The following NF2 variants were observed in gnomAD, a reference collection of about 807,000 sequenced individuals.
The protein encoded by NF2 is NF2, moesin-ezrin-radixin like (MERLIN) tumor suppressor.
A neutral mutation model predicts 83.7 loss-of-function variants in NF2; 8 were observed. The ratio of observed to expected loss-of-function variants is 0.10; its 90% confidence interval spans 0.06 to 0.17. The LOEUF is 0.17. Ranked by LOEUF, NF2 falls within the 10% of genes least tolerant of loss-of-function variation. The pLI, the probability that NF2 is intolerant of heterozygous loss-of-function variation, is 1.00. For missense variants in NF2, 533 were observed against 744.4 expected, an observed-to-expected ratio of 0.72 and a Z score of 3.31; for synonymous variants, 266 against 269.6, an observed-to-expected ratio of 0.99 and a Z score of 0.13.
At chr22:29,689,196 A>G (rs1423796519) in intron 15 of NF2, among the ~76,000 whole-genome samples, 1 of 151,628 alleles carries the variant, frequency 6.6e-6, no homozygotes, top group African/African-American at 2.4e-5. Flanking sequence ...AAAAAAAAAA[A>G]AAAAGAGAAA....
At chr22:29,628,256 G>A (rs1368839660) in intron 1 of NF2, among the ~76,000 whole-genome samples, 1 of 151,230 alleles carries the variant, frequency 6.6e-6, no homozygotes, top group East Asian at 2.0e-4. Context: ...GGAAAGACAA[G>A]TACCTCATTT....
intron 15 of NF2, among the ~76,000 whole-genome samples, chr22:29,692,678 CTTG>C (rs1420131086): frequency 6.6e-6 from 1 of 152,206 alleles, no homozygotes; most frequent in Non-Finnish European, 1.5e-5. Context: ...CATACGTGAC[CTTG>C]TTGTTGCCTG....
chr22:29,693,164 C>T (rs2067452436), intron 15 of NF2, among the ~76,000 whole-genome samples: 1 of 152,238 alleles, frequency 6.6e-6, no homozygotes, highest in Non-Finnish European at 1.5e-5. Context: ...TGGTTCCCAT[C>T]ATCACAGGGC....
At chr22:29,646,560 G>A (rs902568169) in intron 4 of NF2, among the ~76,000 whole-genome samples, 2 of 152,276 alleles carry the variant, frequency 1.3e-5, no homozygotes, top group South Asian at 2.1e-4. Context: ...AAGGGAAAGC[G>A]AATTGAGCTC....
At chr22:29,679,289 C>T (rs902905338) in intron 14 of NF2, among the ~76,000 whole-genome samples, 2 of 152,128 alleles carry the variant, frequency 1.3e-5, no homozygotes, top group African/African-American at 2.4e-5. Context: ...AAAGTGTCTC[C>T]ATGGAGTCCA....
chr22:29,614,172 G>A (rs1569266566), intron 1 of NF2, among the ~76,000 whole-genome samples: 1 of 151,622 alleles, frequency 6.6e-6, no homozygotes, highest in Non-Finnish European at 1.5e-5. Context: ...GGCTGGGCAC[G>A]GTGGCTCACA....
rs2066807000 is a variant in NF2 at position 29,671,953 on chromosome 22, T to TCACCGAGGAGGAGGCAAAAC, written c.1122+5_1122+6insCACCGAGGAGGAGGCAAAAC. The TCACCGAGGAGGAGGCAAAAC allele has an allele frequency of 6.2e-7, 1 of 1,614,028 alleles. No individual in the cohort carries two copies. The highest frequency in any genetic ancestry group is 1.3e-5 in the African/African-American group (1 of 74,920). On this transcript the variant is annotated splice_donor_region_variant and intron_variant, in intron 11 of 15. Coordinates refer to ENST00000338641, the MANE Select transcript of NF2 (RefSeq NM_000268.4). ...ACAATGGCCAACGAAGCACTGGTGA[T>TCACCGAGGAGGAGGCAAAAC]TTCTGAGGGGCTGGGGTTCCAGGAG... is the stretch of plus-strand genomic sequence containing the variant.
intron 1 of NF2, among the ~76,000 whole-genome samples, chr22:29,630,105 CA>C (rs1198673831): frequency 6.6e-6 from 1 of 152,066 alleles, no homozygotes; most frequent in Non-Finnish European, 1.5e-5. Context: ...GCTGTCAAAG[CA>C]AAAAACAAAT....
intron 10 of NF2, 90 bp from the exon 11 acceptor site, chr22:29,671,736 G>A (rs2147069241): frequency 6.3e-7 from 1 of 1,585,890 alleles, no homozygotes. Context: ...CCCAAAAGGG[G>A]AGACTGGAGA....
intron 1 of NF2, among the ~76,000 whole-genome samples, chr22:29,628,318 T>C (rs1054269594): frequency 3.3e-5 from 5 of 152,094 alleles, no homozygotes; most frequent in African/African-American, 7.2e-5. Context: ...TTGGGGGACA[T>C]GGACAGCAGG....
At chr22:29,621,238 G>C (rs1364428214) in intron 1 of NF2, among the ~76,000 whole-genome samples, 1 of 152,198 alleles carries the variant, frequency 6.6e-6, no homozygotes, top group Non-Finnish European at 1.5e-5. Flanking sequence ...GAGATTACAA[G>C]CATAGACTTC....
chr22:29,604,239 C>T lies in NF2; in HGVS notation c.114+127C>T, dbSNP rs1301404449. On this transcript the variant is annotated intron_variant, in intron 1 of 15. Coordinates refer to ENST00000338641, the MANE Select transcript of NF2 (RefSeq NM_000268.4). ...CCGGAAGGGCCAACTAGGCCCAAAA[C>T]CTCATGTTAAAGATGATTGCTGCTT... is the stretch of plus-strand genomic sequence containing the variant. 6.6e-6 allele frequency: 5 copies of T among 760,264 alleles called. No homozygotes were observed. In the Admixed American group the frequency reaches 1.1e-4, roughly 16 times the overall value. The allele number at this position is 760,264 out of a possible 1,614,324, so 47.1% of individuals were successfully genotyped here.
At chr22:29,692,706 G>A (rs760441328) in intron 15 of NF2, among the ~76,000 whole-genome samples, 1 of 152,286 alleles carries the variant, frequency 6.6e-6, no homozygotes. Context: ...CCTTCCTAAC[G>A]AGCACCCTGC....
In NF2 at chr22:29,674,854, G is replaced by A. The variant is rs2147092263; in HGVS notation, c.1359G>A (p.Gln453=). The change falls in exon 13 of 16, where the codon CAG becomes CAA. Residue 453 remains glutamine (Q), a synonymous_variant. Coordinates refer to ENST00000338641, the MANE Select transcript of NF2 (RefSeq NM_000268.4). ...ESERRAKEAD[Q]LKQDLQEARE... ...CTTGCAGGGCCAAAGAGGCAGATCA[G>A]CTGAAGCAGGACCTGCAGGAAGCAC... 6.4e-7 allele frequency: 1 copy of A among 1,561,040 alleles called. No individual in the cohort carries two copies. Among genetic ancestry groups the A allele is most frequent in the Non-Finnish European group, 8.7e-7 (1 of 1,151,654 alleles).
rs2066688061 is a variant in NF2, at chr22:29,668,396, G to A, written c.949G>A (p.Glu317Lys). 1 of 1,614,006 alleles carries A rather than the reference G, an allele frequency of 6.2e-7. No homozygotes were observed. The highest frequency in any genetic ancestry group is 2.2e-5 in the East Asian group (1 of 44,874). Residue 317 changes from glutamate (E) to lysine (K), a missense_variant, in exon 10 of 16, where the codon GAA becomes AAA. Glu to Lys is a moderately conservative substitution (Grantham distance 56). Transcript: ENST00000338641. The part of the protein sequence containing the change: ...FMRRRKADSL[E>K]VQQMKAQARE... Reference sequence around the variant, plus strand: ...GAGGAGAAGGAAAGCCGATTCTTTGGAAGTTCAGCAGATGAAAGCCCAGGC... The same window carrying A: ...GAGGAGAAGGAAAGCCGATTCTTTGAAAGTTCAGCAGATGAAAGCCCAGGC...
At chr22:29,644,710 G>C (rs1330239474) in intron 4 of NF2, among the ~76,000 whole-genome samples, 1 of 152,268 alleles carries the variant, frequency 6.6e-6, no homozygotes, top group Non-Finnish European at 1.5e-5. Flanking sequence ...CTCGCGGTTA[G>C]GAGCTGGAGA....
At chr22:29,651,806 T>G (rs2066155277) in intron 4 of NF2, among the ~76,000 whole-genome samples, 1 of 152,202 alleles carries the variant, frequency 6.6e-6, no homozygotes, top group South Asian at 2.1e-4. Context: ...CTTGCATGCC[T>G]TTGGAACCTG....
chr22:29,666,417 G>A (rs554541897), intron 9 of NF2, among the ~76,000 whole-genome samples: 3 of 152,226 alleles, frequency 2.0e-5, no homozygotes, highest in Non-Finnish European at 4.4e-5. Context: ...GGGATTACAG[G>A]CGTGAGCCAC....
At chr22:29,679,361 G>A (rs1484176277) in intron 14 of NF2, among the ~76,000 whole-genome samples, 2 of 152,184 alleles carry the variant, frequency 1.3e-5, no homozygotes, top group East Asian at 1.9e-4. Flanking sequence ...GTATAGCTAA[G>A]TAGCCAATGA....
Sources: gnomAD v4.1 joint callset for allele counts (sites outside exome capture counted in the v4.1 genomes callset) on GRCh38, gnomAD v4.1.1 for gene constraint, MANE v1.5 for transcripts, NCBI Gene and HGNC (gene_info 2026-07-23, HGNC 2026-07-21) for gene names.